The following GRM7 variants were observed in gnomAD, a reference collection of about 807,000 sequenced individuals.
The protein encoded by GRM7 is metabotropic glutamate receptor 7.
Under a neutral mutation model 84.5 loss-of-function variants are expected in GRM7, and 35 were observed. The ratio of observed to expected loss-of-function variants is 0.41; its 90% CI spans 0.32 to 0.55. The LOEUF (loss-of-function observed/expected upper bound fraction) is 0.55. Among genes scored for constraint, GRM7 ranks in the 20% least tolerant of loss-of-function variants. The probability of loss-of-function intolerance (pLI) is 0.19; values close to 1 mark genes in which losing one functional copy is unlikely to be tolerated. For synonymous variants in GRM7, 487 were observed against 455.1 expected (o/e 1.07, Z -0.89); for missense variants, 1,003 against 1,194.6 (o/e 0.84, Z 2.36).
intron 1 of GRM7, among the ~76,000 whole-genome samples, chr3:7,089,732 A>G (rs1051175753): frequency 6.6e-6 from 1 of 152,208 alleles, no homozygotes; most frequent in Non-Finnish European, 1.5e-5. Flanking sequence ...AAAGAGAAAG[A>G]TACCAAGAAG....
intron 6 of GRM7, among the ~76,000 whole-genome samples, chr3:7,457,024 C>G (rs193132591): frequency 1.3e-5 from 2 of 152,252 alleles, no homozygotes; most frequent in Admixed American, 6.5e-5. Flanking sequence ...TAGCAAAGGA[C>G]AGAGACAGAT....
At chr3:6,950,857 G>T (rs969347637) in intron 1 of GRM7, among the ~76,000 whole-genome samples, 4 of 152,358 alleles carry the variant, frequency 2.6e-5, no homozygotes, top group Non-Finnish European at 4.4e-5. Flanking sequence ...CTCTGAGCCA[G>T]GTGTGGGATA....
At chr3:6,888,639 G>A (rs1380310359) in intron 1 of GRM7, among the ~76,000 whole-genome samples, 1 of 152,078 alleles carries the variant, frequency 6.6e-6, no homozygotes, top group Non-Finnish European at 1.5e-5. Flanking sequence ...CTGTAGCCTT[G>A]TAGTATAGTT....
chr3:7,062,586 G>A (rs944321461), intron 1 of GRM7, among the ~76,000 whole-genome samples: 3 of 151,666 alleles, frequency 2.0e-5, no homozygotes, highest in African/African-American at 7.3e-5. Flanking sequence ...GAAAAACTGT[G>A]ACTCACAAAA....
intron 4 of GRM7, among the ~76,000 whole-genome samples, 178 bp downstream of exon 4, chr3:7,306,830 T>A (rs1700210764): frequency 6.6e-6 from 1 of 152,194 alleles, no homozygotes; most frequent in Admixed American, 6.5e-5. Flanking sequence ...TTAGTTGAAA[T>A]TCCTCTTTTG....
intron 1 of GRM7, among the ~76,000 whole-genome samples, chr3:7,115,695 A>G (rs1270030500): frequency 1.3e-5 from 2 of 152,132 alleles, no homozygotes; most frequent in Non-Finnish European, 2.9e-5. Context: ...ATCTAATTAA[A>G]TGACGCCTGC....
intron 8 of GRM7, among the ~76,000 whole-genome samples, chr3:7,615,673 C>A (rs547862152): frequency 4.0e-5 from 6 of 151,734 alleles, no homozygotes; most frequent in African/African-American, 1.2e-4. Flanking sequence ...CAAACCAAAG[C>A]CTGAATTTTA....
chr3:7,530,791 G>T (rs1184819109), intron 7 of GRM7, among the ~76,000 whole-genome samples: 2 of 145,238 alleles, frequency 1.4e-5, no homozygotes, highest in East Asian at 2.0e-4. Flanking sequence ...TGATGGGTCT[G>T]TTTTTTTTTT....
intron 3 of GRM7, among the ~76,000 whole-genome samples, chr3:7,305,893 A>T (rs1256554252): frequency 6.6e-6 from 1 of 152,046 alleles, no homozygotes; most frequent in East Asian, 1.9e-4. Flanking sequence ...CAAAAGTACT[A>T]TTGCAATAAC....
chr3:6,993,780 T>C (rs1694734024), intron 1 of GRM7, among the ~76,000 whole-genome samples: 1 of 152,126 alleles, frequency 6.6e-6, no homozygotes, highest in Non-Finnish European at 1.5e-5. Flanking sequence ...GGCTTAACGA[T>C]GGATTACATA....
rs537008670 is a variant in GRM7, at chr3:7,617,343, G to A, written c.2451+37986G>A. Among the ~76,000 whole-genome samples, 29 of 152,150 alleles carry A rather than the reference G, an allele frequency of 1.9e-4. No individual in the cohort carries two copies. In the South Asian group the frequency reaches 4.2e-3, roughly 22 times the overall value. On this transcript the variant is annotated intron_variant, in intron 8 of 9. Transcript: ENST00000357716. The stretch of plus-strand genomic sequence containing the variant: ...GATAAGATGTTTTTCTTATTTTCAC[G>A]CATAATGTTGGGTGTGCTAGATATC...
rs1234991775 is a variant in GRM7 at position 7,381,831 on chromosome 3, A to C, written c.1034-33192A>C. Among the ~76,000 whole-genome samples, 5 of 152,326 alleles carry C rather than the reference A, an allele frequency of 3.3e-5. No homozygotes were observed. In the South Asian group the frequency reaches 6.2e-4, roughly 19 times the overall value. On this transcript the variant is annotated intron_variant, in intron 4 of 9. Coordinates refer to ENST00000357716, the MANE Select transcript of GRM7 (RefSeq NM_000844.4). ...GTGATCTTAAAGTGATAATAATGGGAGAATCAATCATTTCTGAGTTGAAGG... is the reference window on the plus strand; with the variant it reads ...GTGATCTTAAAGTGATAATAATGGGCGAATCAATCATTTCTGAGTTGAAGG...
At chr3:7,687,168 A>G (rs976612450) in intron 9 of GRM7, among the ~76,000 whole-genome samples, 1 of 152,234 alleles carries the variant, frequency 6.6e-6, no homozygotes, top group Non-Finnish European at 1.5e-5. Flanking sequence ...TAGTTTGAAC[A>G]TTGGTTATAC....
chr3:7,667,662 A>G (rs1359976116), intron 8 of GRM7, among the ~76,000 whole-genome samples: 1 of 152,062 alleles, frequency 6.6e-6, no homozygotes, highest in African/African-American at 2.4e-5. Context: ...GATATTATGG[A>G]GAGATCTGAG....
chr3:6,867,808 CAAT>C (rs1694986873), intron 1 of GRM7, among the ~76,000 whole-genome samples: 2 of 152,048 alleles, frequency 1.3e-5, no homozygotes, highest in African/African-American at 4.8e-5. Flanking sequence ...AAAATCAAAA[CAAT>C]AAAACCTATG....
At chr3:7,107,804 A>G (rs760828446) in intron 1 of GRM7, among the ~76,000 whole-genome samples, 4 of 152,118 alleles carry the variant, frequency 2.6e-5, no homozygotes, top group African/African-American at 4.8e-5. Flanking sequence ...TAAGATGGAA[A>G]CTAAAGAAAG....
At chr3:7,642,604 G>A (rs1448162589) in intron 8 of GRM7, among the ~76,000 whole-genome samples, 1 of 152,104 alleles carries the variant, frequency 6.6e-6, no homozygotes, top group Admixed American at 6.5e-5. Context: ...TTAACCACGT[G>A]AGTTCCATGC....
chr3:7,477,160 A>G (rs2124931419), intron 7 of GRM7, among the ~76,000 whole-genome samples: 1 of 152,300 alleles, frequency 6.6e-6, no homozygotes, highest in Non-Finnish European at 1.5e-5. Flanking sequence ...CTTTGCAACT[A>G]CAGTTGAGAG....
At position 6,861,126 on chromosome 3, in the gene GRM7, G is replaced by GT. The variant is rs548069874; in HGVS notation, c.-261dup. 21 of 405,802 alleles carry GT rather than the reference G, an allele frequency of 5.2e-5. No homozygotes were observed. In the South Asian group the frequency reaches 1.2e-3, roughly 23 times the overall value. 25.1% of individuals were successfully genotyped at this position (405,802 alleles called of 1,614,324 possible). A position where few individuals can be genotyped will look rare whatever the true frequency, so the allele number is the denominator to read the frequency against. On this transcript the variant is annotated 5_prime_UTR_variant, in exon 1 of 10. Coordinates refer to ENST00000357716, the MANE Select transcript of GRM7 (RefSeq NM_000844.4). This position sits in a 1 kb window ranked among gnomAD's most constrained non-coding sequence, Gnocchi z 6.4. Reference sequence around the variant, plus strand: ...CCTGCCCTCTCCCCAGTGCTGGGCTGTTGGAGAGAGCGAGCAGCAAGCCGG... The same window carrying GT: ...CCTGCCCTCTCCCCAGTGCTGGGCTGTTTGGAGAGAGCGAGCAGCAAGCCGG...
Sources: allele counts gnomAD v4.1 joint callset (sites outside exome capture counted in the v4.1 genomes callset), GRCh38; gene constraint gnomAD v4.1.1; non-coding constraint Gnocchi (gnomAD v3.1); transcripts MANE v1.5; gene names NCBI Gene and HGNC (gene_info 2026-07-23, HGNC 2026-07-21).